PM20D2: variants seen among roughly 807,000 people sequenced by gnomAD.
The protein encoded by PM20D2 is xaa-Arg dipeptidase.
A neutral mutation model predicts 42.9 loss-of-function variants in PM20D2; 33 were observed. The observed-to-expected ratio is 0.77, with a 90% confidence interval of 0.58 to 1.03. The LOEUF (loss-of-function observed/expected upper bound fraction) is 1.03. Among genes scored for constraint, PM20D2 ranks in the 50% least tolerant of loss-of-function variants. The pLI is 0.00. For synonymous variants in PM20D2, 250 were observed against 228.2 expected, an observed-to-expected ratio of 1.10 and a Z score of -0.86; for missense variants, 548 against 557.0, an observed-to-expected ratio of 0.98 and a Z score of 0.16.
chr6:89,142,622 T>G (rs1770363993), upstream of PM20D2, among the ~76,000 whole-genome samples: 1 of 152,162 alleles, frequency 6.6e-6, no homozygotes, highest in East Asian at 1.9e-4. Flanking sequence ...ATTAAATCAT[T>G]TTTGCACTTT....
chr6:89,125,155 A>G, the PM20D2 span, among the ~76,000 whole-genome samples: 1 of 152,270 alleles, frequency 6.6e-6, no homozygotes, highest in East Asian at 1.9e-4. Context: ...ATCAGTTAAA[A>G]GGGTCTTGTG....
the PM20D2 span, among the ~76,000 whole-genome samples, chr6:89,140,441 G>C: frequency 6.6e-6 from 1 of 152,188 alleles, no homozygotes; most frequent in South Asian, 2.1e-4. Context: ...CCTTAGTAAA[G>C]GTAATTATTA....
the PM20D2 span, among the ~76,000 whole-genome samples, chr6:89,095,467 G>T: frequency 6.6e-6 from 1 of 152,190 alleles, no homozygotes; most frequent in African/African-American, 2.4e-5. Flanking sequence ...CTGCAGGTGT[G>T]AGCCACCAGT....
chr6:89,113,319 G>A, the PM20D2 span, among the ~76,000 whole-genome samples: 1 of 152,024 alleles, frequency 6.6e-6, no homozygotes, highest in Non-Finnish European at 1.5e-5. Flanking sequence ...GACTACAGGC[G>A]AGTGCCACCA....
the PM20D2 span, among the ~76,000 whole-genome samples, chr6:89,130,147 C>T: frequency 7.2e-5 from 11 of 152,086 alleles, no homozygotes; most frequent in Middle Eastern, 3.4e-3. Context: ...GCAGTAGCAT[C>T]ATCACAGTTC....
At chr6:89,146,028 TG>T, upstream of PM20D2, 1 of 922,734 alleles carries the variant, frequency 1.1e-6, no homozygotes, top group Non-Finnish European at 1.5e-6. Flanking sequence ...GGGAGCTGTG[TG>T]GCCGCGTGCG....
the PM20D2 span, among the ~76,000 whole-genome samples, chr6:89,114,364 G>C: frequency 6.6e-6 from 1 of 152,178 alleles, no homozygotes; most frequent in African/African-American, 2.4e-5. Context: ...GGAGGCGGAG[G>C]TTGCAGTGAG....
At chr6:89,144,045 C>G (rs1770429856), upstream of PM20D2, among the ~76,000 whole-genome samples, 1 of 152,148 alleles carries the variant, frequency 6.6e-6, no homozygotes, top group Non-Finnish European at 1.5e-5. Flanking sequence ...GATAAACGGT[C>G]AGCAAGTTAT....
At chr6:89,161,693 T>A (rs1218816772) in intron 5 of PM20D2, 90 bp from the exon 6 acceptor site, 41 of 988,286 alleles carry the variant, frequency 4.1e-5, no homozygotes, top group Non-Finnish European at 6.0e-5. Flanking sequence ...CTTCTCTGCG[T>A]CTCTTCTAAC....
the PM20D2 span, among the ~76,000 whole-genome samples, chr6:89,136,400 G>A: frequency 6.6e-6 from 1 of 151,234 alleles, no homozygotes; most frequent in African/African-American, 2.5e-5. Flanking sequence ...ACCAGAGGCC[G>A]GGCGCAGTGG....
chr6:89,161,470 A>G (rs911536892), intron 5 of PM20D2, among the ~76,000 whole-genome samples: 6 of 152,234 alleles, frequency 3.9e-5, no homozygotes, highest in Non-Finnish European at 7.3e-5. Flanking sequence ...AAGGGAAGCC[A>G]TGCAAGTGCT....
At chr6:89,125,324 C>T in the PM20D2 span, among the ~76,000 whole-genome samples, 3 of 151,994 alleles carry the variant, frequency 2.0e-5, no homozygotes, top group Non-Finnish European at 4.4e-5. Context: ...ACTAAAAATA[C>T]AAAAAATTAG....
chr6:89,162,037 C>T (rs989591090), intron 6 of PM20D2, 72 bp from the exon 7 acceptor site: 124 of 1,549,348 alleles, frequency 8.0e-5, no homozygotes, highest in South Asian at 3.7e-4. Flanking sequence ...AGTTGAGATA[C>T]GGGTAGCTAA....
the PM20D2 span, among the ~76,000 whole-genome samples, chr6:89,129,325 C>T: frequency 6.6e-6 from 1 of 152,094 alleles, no homozygotes; most frequent in Non-Finnish European, 1.5e-5. Context: ...GCATGAATCC[C>T]AAGCACATTG....
the PM20D2 span, among the ~76,000 whole-genome samples, chr6:89,110,587 G>GAGT: frequency 2.0e-5 from 3 of 152,158 alleles, no homozygotes; most frequent in Non-Finnish European, 4.4e-5. Flanking sequence ...AGTGCAAAGG[G>GAGT]AGTAGCCTCT....
chr6:89,099,013 T>C, the PM20D2 span: 4 of 1,501,040 alleles, frequency 2.7e-6, no homozygotes, highest in African/African-American at 1.4e-5. Context: ...AATAACACTT[T>C]CAGGAACTTA....
the PM20D2 span, chr6:89,097,179 A>C: frequency 6.6e-6 from 1 of 152,234 alleles, no homozygotes; most frequent in Admixed American, 6.5e-5. Flanking sequence ...TAAAAATATA[A>C]GACAGATTTT....
At chr6:89,099,241 C>CA in the PM20D2 span, among the ~76,000 whole-genome samples, 1 of 150,924 alleles carries the variant, frequency 6.6e-6, no homozygotes, top group African/African-American at 2.4e-5. Context: ...TTAAGAGGTA[C>CA]AAAAATCTGA....
the PM20D2 span, among the ~76,000 whole-genome samples, chr6:89,130,856 TGAGTTTTGTTC>T: frequency 9.8e-6 from 1 of 102,250 alleles, no homozygotes; most frequent in African/African-American, 3.6e-5. Flanking sequence ...TTTTTGAGAC[TGAGTTTTGTTC>T]TGTTGCCCAG....
Sources: gnomAD v4.1 joint callset for allele counts (sites outside exome capture counted in the v4.1 genomes callset) on GRCh38, gnomAD v4.1.1 for gene constraint, MANE v1.5 for transcripts, NCBI Gene and HGNC (gene_info 2026-07-23, HGNC 2026-07-21) for gene names.